Variants in LAMA1 observed in about 807,000 individuals in gnomAD.
LAMA1 encodes laminin subunit alpha 1, also known as laminin subunit alpha-1.
In LAMA1, 219 loss-of-function variants were observed where a neutral mutation model predicts 348.7. That is an observed-to-expected ratio of 0.63 (90% CI 0.56 to 0.70). LAMA1 has a LOEUF of 0.70. LAMA1 is among the 30% of genes least tolerant of loss of function. LAMA1 has a pLI of 0.00. For synonymous variants in LAMA1, 1,487 were observed against 1,491.0 expected (o/e 1.00, Z 0.06); for missense variants, 3,744 against 3,888.0 (o/e 0.96, Z 0.99).
intron 33 of LAMA1, 129 bp from the exon 34 acceptor site, chr18:6,995,575 A>T (rs2057777794): frequency 1.5e-6 from 1 of 675,078 alleles, no homozygotes; most frequent in Admixed American, 2.3e-5. Flanking sequence ...TGTCATTTTA[A>T]AAAAAAATGG....
In LAMA1 at chr18:7,016,522, G is replaced by A. The variant is rs1413265131; in HGVS notation, c.2958C>T (p.Gly986=). The A allele has an allele frequency of 1.9e-6, 3 of 1,614,214 alleles. No individual in the cohort carries two copies. Among genetic ancestry groups the A allele is most frequent in the Non-Finnish European group, 1.7e-6 (2 of 1,180,044 alleles). ...AGKRCDRCAH[G]FYAYQDGSCT... Reference sequence around the variant, plus strand: ...AGCTACCATCCTGGTAGGCGTAGAAGCCATGGGCACACCTGTCACACCTTT... The same window carrying A: ...AGCTACCATCCTGGTAGGCGTAGAAACCATGGGCACACCTGTCACACCTTT... Residue 986 remains glycine (G), a synonymous_variant, in exon 21 of 63, where the codon GGC becomes GGT. Transcript: ENST00000389658.
intron 49 of LAMA1, 38 bp downstream of exon 49, chr18:6,966,109 G>A: frequency 6.2e-7 from 1 of 1,609,794 alleles, no homozygotes; most frequent in Non-Finnish European, 8.5e-7. Flanking sequence ...CTAAATGTGT[G>A]TATACAGTAG....
chr18:6,966,354 G>T, intron 48 of LAMA1, 57 bp from the exon 49 acceptor site: 1 of 1,485,060 alleles, frequency 6.7e-7, no homozygotes, highest in Non-Finnish European at 9.3e-7. Flanking sequence ...AAAGAACCAA[G>T]AACACACTTA....
chr18:7,080,895 C>A (rs555487853), intron 1 of LAMA1, among the ~76,000 whole-genome samples: 1 of 152,086 alleles, frequency 6.6e-6, no homozygotes, highest in South Asian at 2.1e-4. Context: ...AATGTACATG[C>A]GGAAATGTTT....
At chr18:7,051,417 T>C (rs1476641691) in intron 3 of LAMA1, among the ~76,000 whole-genome samples, 1 of 152,180 alleles carries the variant, frequency 6.6e-6, no homozygotes, top group Non-Finnish European at 1.5e-5. Flanking sequence ...TTGAGAGAAC[T>C]GGTATACATT....
chr18:7,091,091 G>A (rs1000929008), intron 1 of LAMA1, among the ~76,000 whole-genome samples: 1 of 152,208 alleles, frequency 6.6e-6, no homozygotes, highest in Non-Finnish European at 1.5e-5. Flanking sequence ...CATATTCAAT[G>A]ACTCTGTGAT....
intron 57 of LAMA1, chr18:6,954,962 G>T: frequency 1.2e-5 from 4 of 331,426 alleles, no homozygotes; most frequent in Non-Finnish European, 2.3e-5. Flanking sequence ...GTGGCACTCG[G>T]GATTTTGGCC....
intron 1 of LAMA1, among the ~76,000 whole-genome samples, chr18:7,107,817 G>A (rs111818450): frequency 0.033 from 4,781 of 146,654 alleles, 115 homozygotes; most frequent in African/African-American, 0.066. Context: ...GATTGAGACC[G>A]TCCTGGCTAC....
chr18:6,944,380 A>G (rs2057513509), intron 61 of LAMA1, among the ~76,000 whole-genome samples: 1 of 152,182 alleles, frequency 6.6e-6, no homozygotes, highest in African/African-American at 2.4e-5. Context: ...TGAACTGTAG[A>G]TGCTCTCCCA....
intron 13 of LAMA1, among the ~76,000 whole-genome samples, chr18:7,035,143 C>T (rs2057988614): frequency 6.6e-6 from 1 of 152,172 alleles, no homozygotes; most frequent in South Asian, 2.1e-4. Flanking sequence ...GGTGAAAGGA[C>T]ATGAGAGACA....
rs762095728 is a variant in LAMA1 at position 6,971,964 on chromosome 18, C to G, written c.6792G>C (p.Lys2264Asn). The change falls in exon 48 of 63, where the codon AAG (lysine) becomes AAC (asparagine). Residue 2264 changes from lysine to asparagine, a missense_variant. Transcript: ENST00000389658. Reference sequence around the variant, plus strand: ...CCAAGCAGCCTTTAAAATGAGTAACCTTCACAGCAGGAGATTTCTAATGCA... The same window carrying G: ...CCAAGCAGCCTTTAAAATGAGTAACGTTCACAGCAGGAGATTTCTAATGCA... ...GGQIKKSPAV[K>N]VTHFKGCLGE... 1 of 1,614,034 alleles carries G rather than the reference C, an allele frequency of 6.2e-7. No homozygotes were observed. Among genetic ancestry groups the G allele is most frequent in the Non-Finnish European group, 8.5e-7 (1 of 1,179,990 alleles).
At chr18:6,965,181 C>A in intron 50 of LAMA1, 107 bp downstream of exon 50, 1 of 1,396,630 alleles carries the variant, frequency 7.2e-7, no homozygotes. Context: ...AGTAGACTAT[C>A]ATTCAATACC....
chr18:7,024,243 A>C, intron 18 of LAMA1, 137 bp downstream of exon 18: 1 of 677,162 alleles, frequency 1.5e-6, no homozygotes, highest in East Asian at 2.8e-5. Context: ...TGAAATACTG[A>C]TTTTTCTCAA....
intron 48 of LAMA1, among the ~76,000 whole-genome samples, chr18:6,967,819 A>G (rs1206079789): frequency 5.9e-5 from 9 of 151,860 alleles, no homozygotes; most frequent in African/African-American, 2.2e-4. Flanking sequence ...TCTCCCAAAA[A>G]CATGGGGGCT....
Position 7,009,291 on chromosome 18 carries a change from T to C in LAMA1, c.3949A>G (p.Ile1317Val), listed in dbSNP as rs376148745. Residue 1317 changes from isoleucine to valine, a missense_variant, in exon 27 of 63, where the codon ATT (isoleucine) becomes GTT (valine). Coordinates refer to ENST00000389658, the MANE Select transcript of LAMA1 (RefSeq NM_005559.4). Reference protein sequence around the residue: ...REDFMSVLSDIEYILIKASYG... With the variant: ...REDFMSVLSDVEYILIKASYG... ...GATGCCTTGATGAGGATGTACTCAA[T>C]ATCGCTGAGGACAGACATAAAATCC... is the stretch of plus-strand genomic sequence containing the variant. 37 of 1,613,546 alleles carry C rather than the reference T, an allele frequency of 2.3e-5. No individual in the cohort carries two copies. The highest frequency in any genetic ancestry group is 3.3e-4 in the Middle Eastern group (2 of 6,062).
At chr18:6,962,245 G>A (rs891732580) in intron 51 of LAMA1, among the ~76,000 whole-genome samples, 186 bp from the exon 52 acceptor site, 3 of 152,070 alleles carry the variant, frequency 2.0e-5, no homozygotes, top group Non-Finnish European at 4.4e-5. Context: ...AACATAGTGA[G>A]ACCCTGTCTC....
chr18:6,990,655 T>C (rs182101887), intron 36 of LAMA1, among the ~76,000 whole-genome samples: 2 of 152,200 alleles, frequency 1.3e-5, no homozygotes, highest in Admixed American at 1.3e-4. Context: ...GCTGAGCTTC[T>C]TTGGCTCCAG....
chr18:6,966,236 A>T lies in LAMA1; in HGVS notation c.6961T>A (p.Ser2321Thr), dbSNP rs2057632712. ...ATCTGGGTCACGGTAGCCGGAAGTG[A>T]CTTCTCCACGACAGAGTACCCACTC... ...DGSGYSVVEK[S>T]LPATVTQIIM... Residue 2321 changes from serine (S) to threonine (T), a missense_variant, in exon 49 of 63, where the codon TCA becomes ACA. Physicochemically the swap from Ser to Thr is moderately conservative, Grantham distance 58. This residue lies in a region of LAMA1 where 1,983 missense variants were observed against 1,934.3 expected (regional missense o/e 1.03). Transcript: ENST00000389658. 6.2e-7 allele frequency: 1 copy of T among 1,613,990 alleles called. No individual in the cohort carries two copies. The highest frequency in any genetic ancestry group is 8.5e-7 in the Non-Finnish European group (1 of 1,179,970).
intron 1 of LAMA1, among the ~76,000 whole-genome samples, chr18:7,115,820 A>AAAAACAAAC (rs2058353739): frequency 6.7e-6 from 1 of 148,620 alleles, no homozygotes; most frequent in African/African-American, 2.5e-5. Context: ...AATACAAAAA[A>AAAAACAAAC]AAAAAAAAAA....
Sources: gnomAD v4.1 joint callset for allele counts (sites outside exome capture counted in the v4.1 genomes callset) on GRCh38, gnomAD v4.1.1 for gene constraint, gnomAD v4.1.1 regional missense constraint, MANE v1.5 for transcripts, NCBI Gene and HGNC (gene_info 2026-07-23, HGNC 2026-07-21) for gene names.